Variants in CASKIN1 observed in about 807,000 individuals in gnomAD.
The protein encoded by CASKIN1 is CASK interacting protein 1.
A neutral mutation model predicts 117.5 loss-of-function variants in CASKIN1; 42 were observed. That is an observed-to-expected ratio of 0.36 (90% CI 0.28 to 0.46). The LOEUF is 0.46. Ranked by LOEUF, CASKIN1 falls within the 20% of genes least tolerant of loss-of-function variation. The pLI, the probability that CASKIN1 is intolerant of heterozygous loss-of-function variation, is 1.00. For synonymous variants in CASKIN1, 1,148 were observed against 961.7 expected (o/e 1.19, Z -3.59); for missense variants, 2,083 against 2,077.3 (o/e 1.00, Z -0.05).
In CASKIN1 at chr16:2,185,112, T is replaced by C; in HGVS notation, c.1238A>G (p.Lys413Arg). ...GGCCCTGGCCACTACCCCACCTACC[T>C]TGACGCCTTCAGAGCCCGCGTGTAG... ...HALHAGSEGVKLLATVLSQKS... is the reference protein window; with the variant it reads ...HALHAGSEGVRLLATVLSQKS... The change falls in exon 12 of 20, where the codon AAG becomes AGG. Residue 413 changes from lysine to arginine, a missense_variant and splice_region_variant. This residue lies in a region of CASKIN1 where 1,818 missense variants were observed against 1,688.9 expected (regional missense o/e 1.08). Coordinates refer to ENST00000343516, the MANE Select transcript of CASKIN1 (RefSeq NM_020764.4). 1 of 1,609,360 alleles carries C rather than the reference T, an allele frequency of 6.2e-7. No individual in the cohort carries two copies. Among genetic ancestry groups the C allele is most frequent in the African/African-American group, 1.3e-5 (1 of 75,050 alleles).
In CASKIN1 at chr16:2,180,142, T is replaced by C. The variant is rs1407833617; in HGVS notation, c.3226A>G (p.Thr1076Ala). 1 of 1,555,362 alleles carries C rather than the reference T, an allele frequency of 6.4e-7. No homozygotes were observed. Among genetic ancestry groups the C allele is most frequent in the South Asian group, 1.2e-5 (1 of 84,948 alleles). The stretch of plus-strand genomic sequence containing the variant: ...GACTCCCCAGGCCCCCGGCGGGCAG[T>C]GGCCAGAAGTCCGGTGACTGGCCCG... ...LSGPVTGLLA[T>A]ARRGPGESAD... The change falls in exon 18 of 20, where the codon ACT becomes GCT. Residue 1076 changes from threonine (T) to alanine (A), a missense_variant. Physicochemically the swap from Thr to Ala is moderately conservative, Grantham distance 58. Transcript: ENST00000343516.
In CASKIN1 at chr16:2,184,191, G is replaced by A. The variant is rs1027635927; in HGVS notation, c.1417-250C>T. Among the ~76,000 whole-genome samples the A allele has an allele frequency of 2.0e-4, 31 of 151,520 alleles. 1 individual carries two copies. The highest frequency in any genetic ancestry group is 1.7e-3 in the Admixed American group (26 of 15,244). ...TCTCCACCGGTGGGGGGAGGGGGGC[G>A]GGGGGGCTGCTACTGTCCGCCACAC... On this transcript the variant is annotated intron_variant, in intron 14 of 19. Coordinates refer to ENST00000343516, the MANE Select transcript of CASKIN1 (RefSeq NM_020764.4).
At position 2,178,639 on chromosome 16, in the gene CASKIN1, C is replaced by T. The variant is rs372593014; in HGVS notation, c.4207G>A (p.Ala1403Thr). 28 of 1,590,470 alleles carry T rather than the reference C, an allele frequency of 1.8e-5. No homozygotes were observed. In the African/African-American group the frequency reaches 3.9e-4, roughly 22 times the overall value. Residue 1403 changes from alanine (A) to threonine (T), a missense_variant, in exon 20 of 20, where the codon GCG becomes ACG. Ala to Thr is a moderately conservative substitution (Grantham distance 58). This residue lies in a region of CASKIN1 where 1,818 missense variants were observed against 1,688.9 expected (regional missense o/e 1.08). Coordinates refer to ENST00000343516, the MANE Select transcript of CASKIN1 (RefSeq NM_020764.4). Reference protein sequence around the residue: ...QEDAQGPRDSAAEKSTGSILD... With the variant: ...QEDAQGPRDSTAEKSTGSILD... ...ATGCTGCCAGTGCTCTTTTCCGCCG[C>T]CGAGTCGCTGCGGGGCGCGGGGCAA...
rs568907207 is a variant in CASKIN1, at chr16:2,182,192, A to G, written c.1630-263T>C. 2.2e-4 allele frequency among the ~76,000 whole-genome samples: 33 copies of G among 152,278 alleles called. No individual in the cohort carries two copies. Among genetic ancestry groups the G allele is most frequent in the African/African-American group, 7.7e-4 (32 of 41,550 alleles). ...GACACCCTTGTCGGGGGGGCAGAAG[A>G]AGGCACTTTCCCACCCGGCCAGGCA... is the stretch of plus-strand genomic sequence containing the variant. On this transcript the variant is annotated intron_variant, in intron 16 of 19. Transcript: ENST00000343516. The surrounding 1 kb of genome is among the most constrained non-coding windows in gnomAD (Gnocchi z 4.1).
intron 15 of CASKIN1, 31 bp from the exon 16 acceptor site, chr16:2,183,778 G>A (rs1478883008): frequency 1.2e-6 from 2 of 1,612,270 alleles, no homozygotes; most frequent in East Asian, 2.2e-5. Flanking sequence ...TCAGCTAGGG[G>A]CTGGGCCCAT....
In CASKIN1 at chr16:2,177,421, A is replaced by T. The variant is rs1339768600; in HGVS notation, c.*1129T>A. 8.6e-6 allele frequency: 2 copies of T among 232,576 alleles called. No homozygotes were observed. Among genetic ancestry groups the T allele is most frequent in the Non-Finnish European group, 1.7e-5 (2 of 117,630 alleles). 14.4% of individuals were successfully genotyped at this position (232,576 alleles called of 1,614,324 possible). A position where few individuals can be genotyped will look rare whatever the true frequency, so the allele number is the denominator to read the frequency against. On this transcript the variant is annotated 3_prime_UTR_variant, in exon 20 of 20. Coordinates refer to ENST00000343516, the MANE Select transcript of CASKIN1 (RefSeq NM_020764.4). ...CAATCGCTGGTTTTCGGCATTTTTTAAATTTTTTTTTTAAGAAACGTCAAA... is the reference window on the plus strand; with the variant it reads ...CAATCGCTGGTTTTCGGCATTTTTTTAATTTTTTTTTTAAGAAACGTCAAA...
At position 2,180,051 on chromosome 16, in the gene CASKIN1, C is replaced by T; in HGVS notation, c.3317G>A (p.Gly1106Asp). 1 of 1,589,192 alleles carries T rather than the reference C, an allele frequency of 6.3e-7. No individual in the cohort carries two copies. The highest frequency in any genetic ancestry group is 8.6e-7 in the Non-Finnish European group (1 of 1,168,410). The stretch of plus-strand genomic sequence containing the variant: ...GGGCGGGCCTTCGACACCCGCCTCG[C>T]CCTTGGAGGGACCCCGAGGCCGCTG... ...GRQRPRGPSKGEAGVEGPPLA... is the reference protein window; with the variant it reads ...GRQRPRGPSKDEAGVEGPPLA... Residue 1106 changes from glycine to aspartate, a missense_variant, in exon 18 of 20, where the codon GGC becomes GAC. Coordinates refer to ENST00000343516, the MANE Select transcript of CASKIN1 (RefSeq NM_020764.4).
rs983481116 is a variant in CASKIN1, at chr16:2,180,460, C to T, written c.2908G>A (p.Ala970Thr). 28 of 1,554,720 alleles carry T rather than the reference C, an allele frequency of 1.8e-5. No individual in the cohort carries two copies. Among genetic ancestry groups the T allele is most frequent in the South Asian group, 2.3e-5 (2 of 85,904 alleles). ...ANLADEPVPDAEPEDGLLGVR... is the reference protein window; with the variant it reads ...ANLADEPVPDTEPEDGLLGVR... ...CCCAGCAGGCCATCCTCAGGCTCGG[C>T]GTCAGGCACCGGCTCATCCGCCAGG... Residue 970 changes from alanine (A) to threonine (T), a missense_variant, in exon 18 of 20, where the codon GCC becomes ACC. Physicochemically the swap from Ala to Thr is moderately conservative, Grantham distance 58. Around this residue, in one of 3 missense-constraint regions of CASKIN1, gnomAD observed 1,818 missense variants for 1,688.9 expected, o/e 1.08. Transcript: ENST00000343516.
chr16:2,181,293 T>C lies in CASKIN1; in HGVS notation c.2075A>G (p.Gln692Arg). Residue 692 changes from glutamine (Q) to arginine (R), a missense_variant, in exon 18 of 20, where the codon CAG (glutamine) becomes CGG (arginine). Physicochemically the swap from Gln to Arg is conservative, Grantham distance 43. Around this residue, in one of 3 missense-constraint regions of CASKIN1, gnomAD observed 1,818 missense variants for 1,688.9 expected, o/e 1.08. Transcript: ENST00000343516. ...LPPTPRATTRQDSSLGGRARH... is the reference protein window; with the variant it reads ...LPPTPRATTRRDSSLGGRARH... Reference sequence around the variant, plus strand: ...TGCCCGACCACCCAGGCTGGAGTCCTGCCGCGTGGTGGCCCTCGGGGTGGG... The same window carrying C: ...TGCCCGACCACCCAGGCTGGAGTCCCGCCGCGTGGTGGCCCTCGGGGTGGG... 1 of 1,602,796 alleles carries C rather than the reference T, an allele frequency of 6.2e-7. No homozygotes were observed. The highest frequency in any genetic ancestry group is 8.5e-7 in the Non-Finnish European group (1 of 1,178,764).
chr16:2,187,661 G>C (rs1052649619), intron 6 of CASKIN1, among the ~76,000 whole-genome samples, 200 bp from the exon 7 acceptor site: 3 of 152,036 alleles, frequency 2.0e-5, no homozygotes, highest in Non-Finnish European at 4.4e-5. Context: ...CACCCTTGTC[G>C]CCCAGGCTGG....
At chr16:2,188,383 C>A (rs1289423013) in intron 6 of CASKIN1, among the ~76,000 whole-genome samples, 1 of 150,812 alleles carries the variant, frequency 6.6e-6, no homozygotes, top group Non-Finnish European at 1.5e-5. Flanking sequence ...CAGGGTCTTG[C>A]TGTGTCACCC....
chr16:2,183,559 G>T, intron 16 of CASKIN1, 87 bp downstream of exon 16: 1 of 1,304,282 alleles, frequency 7.7e-7, no homozygotes. Flanking sequence ...GAGGGCGGGT[G>T]GGAGTTGTGG....
chr16:2,188,651 G>C (rs1462566484), intron 6 of CASKIN1, among the ~76,000 whole-genome samples: 1 of 152,162 alleles, frequency 6.6e-6, no homozygotes, highest in African/African-American at 2.4e-5. Flanking sequence ...GGGGCACCCA[G>C]CCCACAGTGA....
rs2093180996 is a variant in CASKIN1, at chr16:2,185,388, G to A, written c.1069C>T (p.Pro357Ser). 6.2e-6 allele frequency: 10 copies of A among 1,610,000 alleles called. No homozygotes were observed. In the South Asian group the frequency reaches 9.9e-5, roughly 16 times the overall value. The change falls in exon 11 of 20, where the codon CCA (proline) becomes TCA (serine). Residue 357 changes from proline to serine, a missense_variant. Coordinates refer to ENST00000343516, the MANE Select transcript of CASKIN1 (RefSeq NM_020764.4). ...GAGCTGCTTCCCTGGGGCAGGCTTG[G>A]TTCAGTGCCTGCTCGGGAACCTGTG... ...KRAGSRAGTE[P>S]SLPQGSSSSG...
rs948303922 is a variant in CASKIN1 at position 2,182,751 on chromosome 16, C to T, written c.1630-822G>A. The stretch of plus-strand genomic sequence containing the variant: ...GTTGGGCTAGGCCTGGGCCCACCTT[C>T]TTCAGGCCCGGAACCCATCCCACTG... On this transcript the variant is annotated intron_variant, in intron 16 of 19. Coordinates refer to ENST00000343516, the MANE Select transcript of CASKIN1 (RefSeq NM_020764.4). This position sits in a 1 kb window ranked among gnomAD's most constrained non-coding sequence, Gnocchi z 4.1. Among the ~76,000 whole-genome samples, 1 of 152,234 alleles carries T rather than the reference C, an allele frequency of 6.6e-6. No individual in the cohort carries two copies. The highest frequency in any genetic ancestry group is 2.4e-5 in the African/African-American group (1 of 41,474).
chr16:2,181,194 T>A lies in CASKIN1; in HGVS notation c.2174A>T (p.Gln725Leu). 1 of 1,561,564 alleles carries A rather than the reference T, an allele frequency of 6.4e-7. No individual in the cohort carries two copies. The highest frequency in any genetic ancestry group is 8.6e-7 in the Non-Finnish European group (1 of 1,164,830). The change falls in exon 18 of 20, where the codon CAG (glutamine) becomes CTG (leucine). Residue 725 changes from glutamine to leucine, a missense_variant. This residue lies in a region of CASKIN1 where 1,818 missense variants were observed against 1,688.9 expected (regional missense o/e 1.08). Transcript: ENST00000343516. ...GGGGCCCTCATCCAGGAGGTACTCC[T>A]GGCTTCGAGACATGGGGCTGCTGGG... ...PGPSSPMSRS[Q>L]EYLLDEGPAP...
chr16:2,185,710 C>T (rs555584692), intron 10 of CASKIN1, among the ~76,000 whole-genome samples: 14 of 152,332 alleles, frequency 9.2e-5, no homozygotes, highest in Non-Finnish European at 1.9e-4. Context: ...GGCAAGAAGC[C>T]CCCCACAAGC....
At chr16:2,190,043 C>T (rs2093196765) in intron 3 of CASKIN1, 30 bp downstream of exon 3, 2 of 1,570,932 alleles carry the variant, frequency 1.3e-6, no homozygotes, top group South Asian at 2.2e-5. Context: ...CCCGCCCCTG[C>T]CCCCACCAGA....
Position 2,186,713 on chromosome 16 carries a change from G to C in CASKIN1, c.1042C>G (p.Arg348Gly). 3 of 1,612,512 alleles carry C rather than the reference G, an allele frequency of 1.9e-6. No homozygotes were observed. The highest frequency in any genetic ancestry group is 2.5e-6 in the Non-Finnish European group (3 of 1,179,664). Residue 348 changes from arginine (R) to glycine (G), a missense_variant, in exon 10 of 20, where the codon CGA (arginine) becomes GGA (glycine). Coordinates refer to ENST00000343516, the MANE Select transcript of CASKIN1 (RefSeq NM_020764.4). The part of the protein sequence containing the change: ...PSSLGEAIVK[R>G]AGSRAGTEPS... ...AGGGTGGGGTGGAACTTGCCTGCTCGCTTGACAATGGCCTCGCCCAGGGAG... is the reference window on the plus strand; with the variant it reads ...AGGGTGGGGTGGAACTTGCCTGCTCCCTTGACAATGGCCTCGCCCAGGGAG...
Sources: gnomAD v4.1 joint callset for allele counts (sites outside exome capture counted in the v4.1 genomes callset) on GRCh38, gnomAD v4.1.1 for gene constraint, gnomAD v4.1.1 regional missense constraint, Gnocchi (gnomAD v3.1) non-coding constraint, MANE v1.5 for transcripts, NCBI Gene and HGNC (gene_info 2026-07-23, HGNC 2026-07-21) for gene names.